STK3: variants seen among roughly 807,000 people sequenced by gnomAD.
The protein encoded by STK3 is serine/threonine-protein kinase 3.
Under a neutral mutation model 58.0 loss-of-function variants are expected in STK3, and 41 were observed. That is an observed-to-expected ratio of 0.71 (90% CI 0.55 to 0.92). The LOEUF is 0.92. Ranked by LOEUF, STK3 falls within the 40% of genes least tolerant of loss-of-function variation. STK3 has a pLI of 0.00. For synonymous variants in STK3, 170 were observed against 191.0 expected, an observed-to-expected ratio of 0.89 and a Z score of 0.91; for missense variants, 479 against 602.7, an observed-to-expected ratio of 0.79 and a Z score of 2.15.
At chr8:98,493,412 G>A (rs1047399253) in intron 10 of STK3, among the ~76,000 whole-genome samples, 3 of 152,034 alleles carry the variant, frequency 2.0e-5, no homozygotes, top group African/African-American at 7.2e-5. Context: ...AAGCAGTCTG[G>A]CTTTAGGCGT....
intron 6 of STK3, among the ~76,000 whole-genome samples, chr8:98,700,686 A>G (rs1693194203): frequency 1.3e-5 from 2 of 152,196 alleles, no homozygotes; most frequent in Non-Finnish European, 2.9e-5. Flanking sequence ...TAAAGTTATA[A>G]ACATTCAGTA....
chr8:98,576,907 A>G (rs1156767743), intron 8 of STK3, among the ~76,000 whole-genome samples: 1 of 152,166 alleles, frequency 6.6e-6, no homozygotes, highest in Non-Finnish European at 1.5e-5. Context: ...TTTTTTCAGA[A>G]CAAGGATCTT....
chr8:98,466,539 G>A (rs958445261), intron 10 of STK3, among the ~76,000 whole-genome samples: 1 of 152,140 alleles, frequency 6.6e-6, no homozygotes, highest in Admixed American at 6.5e-5. Context: ...GGGGAAGGAT[G>A]ATGTCTATAT....
At chr8:98,767,573 A>G (rs1458823228) in intron 2 of STK3, among the ~76,000 whole-genome samples, 1 of 152,254 alleles carries the variant, frequency 6.6e-6, no homozygotes, top group Non-Finnish European at 1.5e-5. Context: ...GACTTAAAAT[A>G]GTCAAGTTAA....
At chr8:98,395,492 C>A (rs1178774534) in intron 3 of STK3, among the ~76,000 whole-genome samples, 1 of 152,156 alleles carries the variant, frequency 6.6e-6, no homozygotes, top group African/African-American at 2.4e-5. Context: ...AATAATATTG[C>A]ACCTATTTGG....
At chr8:98,699,839 C>T (rs540349298) in intron 6 of STK3, among the ~76,000 whole-genome samples, 1 of 152,352 alleles carries the variant, frequency 6.6e-6, no homozygotes, top group South Asian at 2.1e-4. Context: ...AGGAGGCAGT[C>T]TGCCCATTCT....
chr8:98,845,294 A>G (rs1002004339), intron 3 of STK3, among the ~76,000 whole-genome samples: 1 of 152,094 alleles, frequency 6.6e-6, no homozygotes. Context: ...ATTTTGTTAC[A>G]TGTCAGCAGT....
chr8:98,903,525 T>A (rs933366275), intron 1 of STK3, among the ~76,000 whole-genome samples: 5 of 30,900 alleles, frequency 1.6e-4, no homozygotes, highest in African/African-American at 9.1e-4. Flanking sequence ...TTCTTCTTCT[T>A]CTTCTTCTTC....
intron 1 of STK3, among the ~76,000 whole-genome samples, chr8:98,793,183 G>A (rs1007302865): frequency 2.6e-5 from 4 of 152,124 alleles, no homozygotes; most frequent in African/African-American, 9.7e-5. Context: ...GGGGGAAAGG[G>A]TGGGAAGCGG....
intron 6 of STK3, among the ~76,000 whole-genome samples, chr8:98,697,970 G>T (rs891049165): frequency 6.6e-6 from 1 of 152,224 alleles, no homozygotes; most frequent in South Asian, 2.1e-4. Flanking sequence ...GGGTGTTAAA[G>T]TCTCCCATTA....
At chr8:98,710,704 C>T (rs1826343286) in intron 4 of STK3, among the ~76,000 whole-genome samples, 2 of 152,234 alleles carry the variant, frequency 1.3e-5, no homozygotes, top group Non-Finnish European at 2.9e-5. Flanking sequence ...CTGTAGACTC[C>T]ACCTCTGGGG....
chr8:98,453,245 C>T (rs1353492301), downstream of STK3, among the ~76,000 whole-genome samples: 5 of 144,412 alleles, frequency 3.5e-5, 2 homozygotes, highest in African/African-American at 5.2e-5. Flanking sequence ...TGTGCCACCA[C>T]GCCCAGCTAA....
intron 10 of STK3, among the ~76,000 whole-genome samples, chr8:98,515,635 A>T (rs1824871966): frequency 6.6e-6 from 1 of 152,094 alleles, no homozygotes; most frequent in Non-Finnish European, 1.5e-5. Context: ...GTTAAATAGT[A>T]CAAAGTAAAC....
chr8:98,622,441 T>G (rs1265259922), intron 6 of STK3, among the ~76,000 whole-genome samples: 6 of 152,302 alleles, frequency 3.9e-5, no homozygotes, highest in African/African-American at 1.4e-4. Context: ...TAGACTATAA[T>G]ATACAGCTTC....
intron 10 of STK3, among the ~76,000 whole-genome samples, chr8:98,464,918 GA>G (rs1820347430): frequency 6.6e-6 from 1 of 152,046 alleles, no homozygotes; most frequent in Non-Finnish European, 1.5e-5. Flanking sequence ...TCAGCTGACT[GA>G]ATAACTAAAA....
At chr8:98,559,356 GACAA>G (rs1811835057) in intron 8 of STK3, among the ~76,000 whole-genome samples, 1 of 152,078 alleles carries the variant, frequency 6.6e-6, no homozygotes, top group Admixed American at 6.6e-5. Context: ...TTACAAAATA[GACAA>G]ACACAGTGAG....
intron 4 of STK3, among the ~76,000 whole-genome samples, chr8:98,709,456 G>A (rs2131088373): frequency 6.6e-6 from 1 of 152,210 alleles, no homozygotes; most frequent in South Asian, 2.1e-4. Context: ...CTCATTTTAA[G>A]AGGCATTATT....
chr8:98,712,716 AC>A (rs1826589623), intron 4 of STK3, among the ~76,000 whole-genome samples: 1 of 152,130 alleles, frequency 6.6e-6, no homozygotes, highest in African/African-American at 2.4e-5. Context: ...TCAACATTAG[AC>A]AGATCAACAA....
At chr8:98,441,718 C>T (rs1046894458) in intron 1 of STK3, among the ~76,000 whole-genome samples, 1 of 152,166 alleles carries the variant, frequency 6.6e-6, no homozygotes, top group African/African-American at 2.4e-5. Flanking sequence ...GAAGTGTCTC[C>T]CCTCTTGGCT....
Sources: gnomAD v4.1 joint callset for allele counts (sites outside exome capture counted in the v4.1 genomes callset) on GRCh38, gnomAD v4.1.1 for gene constraint, MANE v1.5 for transcripts, NCBI Gene and HGNC (gene_info 2026-07-23, HGNC 2026-07-21) for gene names.